The following MID1 variants were observed in gnomAD, a reference collection of about 807,000 sequenced individuals.
MID1 encodes midline 1.
In MID1, 7 loss-of-function variants were observed where a neutral mutation model predicts 40.4. That is an observed-to-expected ratio of 0.17 (90% CI 0.10 to 0.33). The LOEUF is 0.33. Ranked by LOEUF, MID1 falls within the 10% of genes least tolerant of loss-of-function variation. The pLI is 1.00. For missense variants in MID1, 367 were observed against 558.5 expected, an observed-to-expected ratio of 0.66 and a Z score of 3.46; for synonymous variants, 229 against 221.2, an observed-to-expected ratio of 1.04 and a Z score of -0.31.
intron 1 of MID1, chrX:10,677,585 C>T (rs1476681551): frequency 1.8e-5 from 2 of 112,912 alleles, no homozygotes; most frequent in Non-Finnish European, 3.7e-5. Context: ...TCTAAGGAGA[C>T]GCTGCTGTGC....
chrX:10,709,137 T>C (rs1040273203), intron 1 of MID1, among the ~76,000 whole-genome samples: 5 of 112,179 alleles, frequency 4.5e-5, no homozygotes, highest in African/African-American at 9.7e-5. Context: ...TGGTGTAAAA[T>C]AATTCAAAGG....
chrX:10,643,096 AGGCATG>A (rs1356153299), intron 1 of MID1, among the ~76,000 whole-genome samples: 5 of 111,899 alleles, frequency 4.5e-5, no homozygotes, highest in Non-Finnish European at 9.4e-5. Context: ...TTCAGAACGT[AGGCATG>A]GGCAGGGACT....
intron 1 of MID1, among the ~76,000 whole-genome samples, chrX:10,738,286 G>T (rs2043500170): frequency 8.9e-6 from 1 of 112,100 alleles, no homozygotes; most frequent in Non-Finnish European, 1.9e-5. Flanking sequence ...TAAAGCCAGG[G>T]AGGGCATGGG....
In MID1 at chrX:10,523,194, A is replaced by G. The variant is rs1229234571; in HGVS notation, c.661-7T>C. ...GGTTACTCTCTAAGTTTTGCTGTTC[A>G]AAAAAAAAAAAAAAAGAGGAAAAAT... On this transcript the variant is annotated splice_polypyrimidine_tract_variant and splice_region_variant and intron_variant, in intron 2 of 9. Transcript: ENST00000317552. 4.3e-6 allele frequency: 1 copy of G among 235,025 alleles called. No homozygotes were observed. The allele number at this position is 235,025 out of a possible 1,213,427, so 19.4% of individuals were successfully genotyped here.
At chrX:10,531,979 T>C (rs1386995658) in intron 2 of MID1, among the ~76,000 whole-genome samples, 1 of 112,528 alleles carries the variant, frequency 8.9e-6, no homozygotes, top group Non-Finnish European at 1.9e-5. Context: ...ATGATCTCAG[T>C]TGCAAAATTT....
intron 1 of MID1, among the ~76,000 whole-genome samples, chrX:10,736,215 G>A (rs1166211250): frequency 9.1e-6 from 1 of 110,032 alleles, no homozygotes; most frequent in Non-Finnish European, 1.9e-5. Context: ...TCCTGACCTC[G>A]TGATCCGCCC....
At chrX:10,537,337 AC>A (rs1326863552) in intron 2 of MID1, among the ~76,000 whole-genome samples, 2 of 111,944 alleles carry the variant, frequency 1.8e-5, no homozygotes, top group African/African-American at 6.5e-5. Flanking sequence ...ATTCAGCTTG[AC>A]AGAAAATATA....
chrX:10,810,682 G>T (rs181409438), intron 1 of MID1, among the ~76,000 whole-genome samples: 1 of 97,127 alleles, frequency 1.0e-5, no homozygotes, highest in African/African-American at 3.8e-5. Flanking sequence ...CCTCACCAAC[G>T]CTTGTTGTTT....
chrX:10,540,271 C>T (rs1381664080), intron 2 of MID1, among the ~76,000 whole-genome samples: 1 of 111,514 alleles, frequency 9.0e-6, no homozygotes, highest in Non-Finnish European at 1.9e-5. Flanking sequence ...ATAGTATATC[C>T]CAGGGCCTTT....
At chrX:10,719,722 A>T (rs1227327570) in intron 1 of MID1, among the ~76,000 whole-genome samples, 1 of 111,322 alleles carries the variant, frequency 9.0e-6, no homozygotes, top group East Asian at 2.8e-4. Context: ...GGAACCAAAA[A>T]AGAGCCCGCA....
intron 1 of MID1, chrX:10,577,093 T>C (rs1260120102): frequency 8.9e-6 from 1 of 112,025 alleles, no homozygotes; most frequent in Non-Finnish European, 1.9e-5. Flanking sequence ...TGAACCCAAA[T>C]GGAAAGGTAG....
intron 1 of MID1, among the ~76,000 whole-genome samples, chrX:10,633,855 T>C (rs776449549): frequency 9.0e-6 from 1 of 111,610 alleles, no homozygotes; most frequent in Non-Finnish European, 1.9e-5. Flanking sequence ...CAGAAGAAGG[T>C]AGATGAAAAG....
intron 1 of MID1, among the ~76,000 whole-genome samples, chrX:10,643,542 T>C (rs1360273847): frequency 9.0e-6 from 1 of 111,726 alleles, no homozygotes; most frequent in Non-Finnish European, 1.9e-5. Context: ...TGTGGAGAAA[T>C]AGGAACGGTT....
chrX:10,459,196 G>C (rs983147659), intron 8 of MID1, among the ~76,000 whole-genome samples: 4 of 111,258 alleles, frequency 3.6e-5, no homozygotes, highest in African/African-American at 1.3e-4. Context: ...GGAGGGGGAG[G>C]AAGAAGTGTC....
chrX:10,645,356 C>T (rs991152983), intron 1 of MID1, among the ~76,000 whole-genome samples: 1 of 111,768 alleles, frequency 8.9e-6, no homozygotes, highest in Non-Finnish European at 1.9e-5. Context: ...ATACAGAAAA[C>T]GGAAATGACT....
chrX:10,769,006 G>C (rs184649969), intron 1 of MID1, among the ~76,000 whole-genome samples: 34 of 111,801 alleles, frequency 3.0e-4, no homozygotes, highest in Admixed American at 2.1e-3. Flanking sequence ...GGACATGAAA[G>C]TGTGGAATCT....
chrX:10,767,080 T>C (rs766726468), intron 1 of MID1, among the ~76,000 whole-genome samples: 19 of 111,107 alleles, frequency 1.7e-4, no homozygotes, highest in Non-Finnish European at 3.0e-4. Flanking sequence ...TAAGGCTCCA[T>C]GTTAGCATCC....
chrX:10,451,386 C>A (rs1341138078), intron 9 of MID1, among the ~76,000 whole-genome samples: 1 of 111,611 alleles, frequency 9.0e-6, no homozygotes, highest in Non-Finnish European at 1.9e-5. Flanking sequence ...CTGAGTACAC[C>A]TGCCTTGTGC....
intron 1 of MID1, among the ~76,000 whole-genome samples, chrX:10,733,352 A>G (rs934466088): frequency 1.8e-5 from 2 of 112,147 alleles, no homozygotes; most frequent in Non-Finnish European, 3.8e-5. Flanking sequence ...AAGCTAGAAA[A>G]CTTCTAGAAA....
Sources: gnomAD v4.1 joint callset for allele counts (sites outside exome capture counted in the v4.1 genomes callset) on GRCh38, gnomAD v4.1.1 for gene constraint, MANE v1.5 for transcripts, NCBI Gene and HGNC (gene_info 2026-07-23, HGNC 2026-07-21) for gene names.